Variants in SLC25A26 observed in about 807,000 individuals in gnomAD.
SLC25A26 encodes solute carrier family 25 member 26, also known as mitochondrial S-adenosylmethionine carrier protein.
SLC25A26 carries 36 observed loss-of-function variants against 37.8 expected under a neutral mutation model. The ratio of observed to expected loss-of-function variants is 0.95; its 90% confidence interval spans 0.73 to 1.26. The LOEUF (loss-of-function observed/expected upper bound fraction) is 1.26. SLC25A26 is among the 50% of genes most tolerant of loss of function. The pLI, the probability that SLC25A26 is intolerant of heterozygous loss-of-function variation, is 0.00. For synonymous variants in SLC25A26, 129 were observed against 122.5 expected (o/e 1.05, Z -0.35); for missense variants, 390 against 331.1 (o/e 1.18, Z -1.38).
intron 5 of SLC25A26, among the ~76,000 whole-genome samples, chr3:66,333,659 G>C (rs1244359695): frequency 1.3e-5 from 2 of 151,958 alleles, no homozygotes; most frequent in Non-Finnish European, 2.9e-5. Context: ...TAGGACCCAG[G>C]TCTGATTTTG....
chr3:66,177,169 G>C (rs1001060686), intron 1 of SLC25A26, among the ~76,000 whole-genome samples: 1 of 152,210 alleles, frequency 6.6e-6, no homozygotes, highest in East Asian at 1.9e-4. Flanking sequence ...GGAATGGGCA[G>C]TTAACTGGGT....
chr3:66,357,130 A>G (rs1472328373), intron 6 of SLC25A26, among the ~76,000 whole-genome samples: 1 of 152,120 alleles, frequency 6.6e-6, no homozygotes, highest in Non-Finnish European at 1.5e-5. Flanking sequence ...GTAACCATAG[A>G]TTCATGTGAA....
intron 1 of SLC25A26, among the ~76,000 whole-genome samples, chr3:66,143,951 G>C (rs895991742): frequency 2.0e-5 from 3 of 152,096 alleles, no homozygotes; most frequent in Non-Finnish European, 4.4e-5. Flanking sequence ...CTTCTAAGTA[G>C]GCACAGTGTC....
At chr3:66,186,461 C>T (rs2070829612) in intron 1 of SLC25A26, among the ~76,000 whole-genome samples, 1 of 151,860 alleles carries the variant, frequency 6.6e-6, no homozygotes, top group Non-Finnish European at 1.5e-5. Context: ...ATNCCTCAAC[C>T]TCACCTTAAT....
intron 1 of SLC25A26, among the ~76,000 whole-genome samples, chr3:66,179,375 A>C (rs2070651948): frequency 6.6e-6 from 1 of 152,180 alleles, no homozygotes; most frequent in South Asian, 2.1e-4. Flanking sequence ...ATCTTCAGAC[A>C]CTCAGAAGTC....
intron 6 of SLC25A26, among the ~76,000 whole-genome samples, chr3:66,351,687 C>T (rs72902982): frequency 0.046 from 6,968 of 152,204 alleles, 514 homozygotes; most frequent in African/African-American, 0.16. Flanking sequence ...TATTTGTCTT[C>T]TTCCCAATCT....
At chr3:66,167,484 A>G (rs563404188) in intron 1 of SLC25A26, among the ~76,000 whole-genome samples, 1 of 152,358 alleles carries the variant, frequency 6.6e-6, no homozygotes, top group African/African-American at 2.4e-5. Flanking sequence ...CACACTTTAT[A>G]TAAGCCAATA....
chr3:66,205,077 ATTAAG>A (rs2071160093), intron 1 of SLC25A26, among the ~76,000 whole-genome samples: 1 of 152,224 alleles, frequency 6.6e-6, no homozygotes, highest in Non-Finnish European at 1.5e-5. Flanking sequence ...ATACTGAAAG[ATTAAG>A]TTGTGCAACA....
At chr3:66,223,822 G>A (rs1409630123) in intron 1 of SLC25A26, among the ~76,000 whole-genome samples, 2 of 152,166 alleles carry the variant, frequency 1.3e-5, no homozygotes, top group Non-Finnish European at 2.9e-5. Flanking sequence ...ACAGAGTGGG[G>A]TATCCAGAAA....
At chr3:66,372,265 CCACTT>C (rs993978984) in intron 9 of SLC25A26, among the ~76,000 whole-genome samples, 3 of 152,220 alleles carry the variant, frequency 2.0e-5, no homozygotes, top group African/African-American at 7.2e-5. Flanking sequence ...GTTGGGCAAA[CCACTT>C]CAATTGACCT....
chr3:66,268,653 G>T (rs758577803), intron 5 of SLC25A26, among the ~76,000 whole-genome samples: 8 of 152,182 alleles, frequency 5.3e-5, no homozygotes, highest in Non-Finnish European at 1.0e-4. Flanking sequence ...TCTGGTAACT[G>T]AAAGAGCTTT....
At chr3:66,135,510 G>A (rs1262529989) in intron 1 of SLC25A26, among the ~76,000 whole-genome samples, 1 of 152,190 alleles carries the variant, frequency 6.6e-6, no homozygotes, top group African/African-American at 2.4e-5. Flanking sequence ...GCTCATGCCT[G>A]TATTCTAAGC....
At chr3:66,201,191 G>T (rs892500037) in intron 1 of SLC25A26, among the ~76,000 whole-genome samples, 4 of 151,750 alleles carry the variant, frequency 2.6e-5, no homozygotes, top group Non-Finnish European at 5.9e-5. Context: ...CAAAGGAAAA[G>T]AAATGGTAAT....
intron 3 of SLC25A26, among the ~76,000 whole-genome samples, chr3:66,256,739 A>G (rs1198676037): frequency 6.6e-6 from 1 of 152,082 alleles, no homozygotes; most frequent in Non-Finnish European, 1.5e-5. Context: ...CTACTAAAAG[A>G]TGAAAAAATT....
intron 9 of SLC25A26, among the ~76,000 whole-genome samples, chr3:66,374,748 G>A (rs1374140156): frequency 6.6e-6 from 1 of 152,184 alleles, no homozygotes; most frequent in Admixed American, 6.5e-5. Flanking sequence ...GGCCATGTTG[G>A]TGTGTGCCTG....
rs1228179610 is a variant in SLC25A26, at chr3:66,371,531, C to CTTT, written c.707+930_707+931insTTT. On this transcript the variant is annotated intron_variant, in intron 9 of 9. Coordinates refer to ENST00000354883, the MANE Select transcript of SLC25A26 (RefSeq NM_001379210.1). ...GATGGTTTTGTTGAATGTGACAACT[C>CTTT]TGAGGGATTGACGTTGGGGGTGTGA... 7 of 1,277,018 alleles carry CTTT rather than the reference C, an allele frequency of 5.5e-6. No individual in the cohort carries two copies. In the African/African-American group the frequency reaches 1.1e-4, roughly 20 times the overall value. The allele number at this position is 1,277,018 out of a possible 1,614,324, so 79.1% of individuals were successfully genotyped here.
chr3:66,343,305 GA>G (rs1388375871), intron 5 of SLC25A26, among the ~76,000 whole-genome samples: 1 of 152,130 alleles, frequency 6.6e-6, no homozygotes, highest in Non-Finnish European at 1.5e-5. Flanking sequence ...TTGACTTGAA[GA>G]ATATTTGAAA....
intron 1 of SLC25A26, among the ~76,000 whole-genome samples, chr3:66,164,231 T>C (rs574907899): frequency 1.3e-5 from 2 of 152,322 alleles, no homozygotes; most frequent in East Asian, 3.9e-4. Flanking sequence ...TTCCTAAAGA[T>C]ACTTGAAATT....
intron 1 of SLC25A26, among the ~76,000 whole-genome samples, chr3:66,215,692 G>A (rs2071350261): frequency 6.6e-6 from 1 of 152,100 alleles, no homozygotes; most frequent in South Asian, 2.1e-4. Context: ...TCACTTAAAG[G>A]AAAACTGACT....
Sources: gnomAD v4.1 joint callset for allele counts (sites outside exome capture counted in the v4.1 genomes callset) on GRCh38, gnomAD v4.1.1 for gene constraint, MANE v1.5 for transcripts, NCBI Gene and HGNC (gene_info 2026-07-23, HGNC 2026-07-21) for gene names.